UGT2B17: variants seen among roughly 807,000 people sequenced by gnomAD.
UGT2B17 encodes the protein UDP-glucuronosyltransferase 2B17.
In UGT2B17, 21 loss-of-function variants were observed where a neutral mutation model predicts 48.2. That is an observed-to-expected ratio of 0.44 (90% CI 0.31 to 0.63). The LOEUF is 0.63. Among genes scored for constraint, UGT2B17 ranks in the 20% least tolerant of loss-of-function variants. UGT2B17 has a pLI of 0.08. For synonymous variants in UGT2B17, 146 were observed against 238.4 expected (o/e 0.61, Z 3.57); for missense variants, 402 against 696.1 (o/e 0.58, Z 4.75).
chr4:68,550,712 C>A lies in UGT2B17; in HGVS notation c.1278G>T (p.Leu426Phe), dbSNP rs143750013. 5.1e-6 allele frequency: 7 copies of A among 1,378,734 alleles called. 1 individual carries two copies. The highest frequency in any genetic ancestry group is 3.3e-5 in the South Asian group (2 of 59,828). The allele number at this position is 1,378,734 out of a possible 1,614,324, so 85.4% of individuals were successfully genotyped here. Residue 426 changes from leucine (L) to phenylalanine (F), a missense_variant, in exon 6 of 7, where the codon TTG becomes TTT. Around this residue, in one of 5 missense-constraint regions of UGT2B17, gnomAD observed 156 missense variants for 258.6 expected, o/e 0.60. Transcript: ENST00000317746. ...TAATGACTGACTTCAATGCATTGAG[C>A]AAATCTCTACTTGACATGGTCCTGA... ...VDIRTMSSRD[L>F]LNALKSVIND...
rs111641076 is a variant in UGT2B17, at chr4:68,554,452, A to C, written c.1006-2541T>G. On this transcript the variant is annotated intron_variant, in intron 4 of 6. Transcript: ENST00000317746. ...CTCTCTTTTTTAAAAATTTTCTTTT[A>C]TTCTTGCTTTAAATTTGCTTTTATT... Among the ~76,000 whole-genome samples the C allele has an allele frequency of 1.6e-4, 20 of 125,378 alleles. 4 individuals are homozygous for C. Among genetic ancestry groups the C allele is most frequent in the African/African-American group, 4.4e-4 (16 of 36,738 alleles). 82.3% of individuals were successfully genotyped at this position (125,378 alleles called of 152,430 possible).
At position 68,567,932 on chromosome 4, in the gene UGT2B17, C is replaced by G. The variant is rs199630686; in HGVS notation, c.553G>C (p.Gly185Arg). 1.9e-5 allele frequency: 26 copies of G among 1,379,882 alleles called. 7 individuals carry two copies. The highest frequency in any genetic ancestry group is 2.3e-5 in the Non-Finnish European group (24 of 1,054,802). 85.5% of individuals were successfully genotyped at this position (1,379,882 alleles called of 1,614,324 possible). ...GAAGGAGGGAACAGAAATCCTCCAC[C>G]ATTCTTCTCAACTGTGTAGCCAACA... is the stretch of plus-strand genomic sequence containing the variant. ...FSVGYTVEKNGGGFLFPPSYV... is the reference protein window; with the variant it reads ...FSVGYTVEKNRGGFLFPPSYV... Residue 185 changes from glycine to arginine, a missense_variant, in exon 2 of 7, where the codon GGT becomes CGT. Gly to Arg is a moderately radical substitution (Grantham distance 125, BLOSUM62 -2). Coordinates refer to ENST00000317746, the MANE Select transcript of UGT2B17 (RefSeq NM_001077.4).
Position 68,543,589 on chromosome 4 carries a change from C to A in UGT2B17, c.1314-5685G>T, listed in dbSNP as rs1457323180. Among the ~76,000 whole-genome samples, 2 of 125,766 alleles carry A rather than the reference C, an allele frequency of 1.6e-5. 1 individual carries two copies. Among genetic ancestry groups the A allele is most frequent in the Non-Finnish European group, 3.4e-5 (2 of 59,474 alleles). The allele number at this position is 125,766 out of a possible 152,430, so 82.5% of individuals were successfully genotyped here. On this transcript the variant is annotated intron_variant, in intron 6 of 6. Transcript: ENST00000317746. The stretch of plus-strand genomic sequence containing the variant: ...TGGAACAAAGCTGGATGGAGAATGA[C>A]TTTGACGAGTTCAGAGAAGAAGGCT...
intron 2 of UGT2B17, among the ~76,000 whole-genome samples, chr4:68,566,454 G>T (rs1395143828): frequency 8.3e-6 from 1 of 121,152 alleles, no homozygotes; most frequent in African/African-American, 2.9e-5. Flanking sequence ...GGGACCCAGT[G>T]GCAGGTGATT....
intron 5 of UGT2B17, 111 bp downstream of exon 5, chr4:68,551,713 T>C: frequency 2.6e-6 from 2 of 779,602 alleles, no homozygotes; most frequent in Non-Finnish European, 3.5e-6. Flanking sequence ...AATTTGATTT[T>C]TTTTTAGTTT....
intron 6 of UGT2B17, among the ~76,000 whole-genome samples, chr4:68,545,786 C>T (rs1730790918): frequency 8.0e-6 from 1 of 125,770 alleles, no homozygotes; most frequent in African/African-American, 2.7e-5. Context: ...TCAGAGAATA[C>T]TATAAACACC....
At chr4:68,567,646 CA>C (rs1324978664) in intron 2 of UGT2B17, 114 bp downstream of exon 2, 1 of 802,708 alleles carries the variant, frequency 1.2e-6, no homozygotes, top group African/African-American at 1.8e-5. Flanking sequence ...CTTACATTTG[CA>C]ATTCATAATT....
Position 68,547,638 on chromosome 4 carries a change from A to G in UGT2B17, c.1313+3039T>C, listed in dbSNP as rs1217184685. On this transcript the variant is annotated intron_variant, in intron 6 of 6. Transcript: ENST00000317746. ...GAAACTACCATCAGATTGAACAGGC[A>G]ACCTACAGAATGGGAGAACATTTTT... 2.6e-4 allele frequency among the ~76,000 whole-genome samples: 33 copies of G among 126,390 alleles called. 7 individuals are homozygous for G. The highest frequency in any genetic ancestry group is 8.4e-4 in the African/African-American group (31 of 36,986). The allele number at this position is 126,390 out of a possible 152,430, so 82.9% of individuals were successfully genotyped here.
rs1340851935 is a variant in UGT2B17 at position 68,548,451 on chromosome 4, G to A, written c.1313+2226C>T. Among the ~76,000 whole-genome samples, 9 of 124,746 alleles carry A rather than the reference G, an allele frequency of 7.2e-5. 3 individuals are homozygous for A. The highest frequency in any genetic ancestry group is 2.5e-4 in the African/African-American group (9 of 36,534). The allele number at this position is 124,746 out of a possible 152,430, so 81.8% of individuals were successfully genotyped here. The stretch of plus-strand genomic sequence containing the variant: ...GGGGTAGCGGGAGTGGGGAGGGATA[G>A]CATTAGGAGATACACTTAATGTTAA... On this transcript the variant is annotated intron_variant, in intron 6 of 6. Coordinates refer to ENST00000317746, the MANE Select transcript of UGT2B17 (RefSeq NM_001077.4).
Position 68,543,147 on chromosome 4 carries a change from T to A in UGT2B17, c.1314-5243A>T, listed in dbSNP as rs1339328393. On this transcript the variant is annotated intron_variant, in intron 6 of 6. Transcript: ENST00000317746. ...GAGAATGGACAGACTGCTACTCAAGTGGGTCCTGATCCCCGAGTAGCCTGA... is the reference window on the plus strand; with the variant it reads ...GAGAATGGACAGACTGCTACTCAAGAGGGTCCTGATCCCCGAGTAGCCTGA... 7.1e-5 allele frequency among the ~76,000 whole-genome samples: 9 copies of A among 126,052 alleles called. 2 individuals carry two copies. Among genetic ancestry groups the A allele is most frequent in the African/African-American group, 2.2e-4 (8 of 36,866 alleles). The allele number at this position is 126,052 out of a possible 152,430, so 82.7% of individuals were successfully genotyped here.
At chr4:68,565,793 G>C in intron 2 of UGT2B17, 73 bp from the exon 3 acceptor site, 1 of 1,237,008 alleles carries the variant, frequency 8.1e-7, no homozygotes. Context: ...GAATATGCAG[G>C]TATTTTCCTG....
intron 6 of UGT2B17, among the ~76,000 whole-genome samples, chr4:68,542,798 C>A (rs535666461): frequency 7.9e-6 from 1 of 127,116 alleles, no homozygotes; most frequent in African/African-American, 2.7e-5. Context: ...GATTATATCG[C>A]GCACCTGGCT....
chr4:68,543,621 G>A (rs1383776733), intron 6 of UGT2B17, among the ~76,000 whole-genome samples: 2 of 124,906 alleles, frequency 1.6e-5, no homozygotes, highest in Non-Finnish European at 3.4e-5. Flanking sequence ...GGCTTCAGAC[G>A]ATCAAACTAC....
rs1302818194 is a variant in UGT2B17 at position 68,540,745 on chromosome 4, C to T, written c.1314-2841G>A. On this transcript the variant is annotated intron_variant, in intron 6 of 6. Coordinates refer to ENST00000317746, the MANE Select transcript of UGT2B17 (RefSeq NM_001077.4). Reference sequence around the variant, plus strand: ...TTTGCAGCACCTATCAATCTGTCATCTAGATTTTAAGTCCCTCATGTATTA... The same window carrying T: ...TTTGCAGCACCTATCAATCTGTCATTTAGATTTTAAGTCCCTCATGTATTA... 4.8e-5 allele frequency among the ~76,000 whole-genome samples: 6 copies of T among 125,778 alleles called. 1 individual carries two copies. The highest frequency in any genetic ancestry group is 1.6e-4 in the African/African-American group (6 of 36,798). The allele number at this position is 125,778 out of a possible 152,430, so 82.5% of individuals were successfully genotyped here. A position where few individuals can be genotyped will look rare whatever the true frequency, so the allele number is the denominator to read the frequency against.
intron 6 of UGT2B17, among the ~76,000 whole-genome samples, chr4:68,545,899 T>C (rs570395635): frequency 1.6e-5 from 2 of 125,554 alleles, no homozygotes; most frequent in Non-Finnish European, 3.4e-5. Flanking sequence ...CTGAATAGAC[T>C]AATAACAGGC....
At chr4:68,551,278 A>T (rs1222776912) in intron 5 of UGT2B17, among the ~76,000 whole-genome samples, 1 of 126,574 alleles carries the variant, frequency 7.9e-6, no homozygotes, top group Admixed American at 8.1e-5. Flanking sequence ...TTATATATTT[A>T]AAAAATATTT....
Position 68,552,312 on chromosome 4 carries a change from T to G in UGT2B17, c.1006-401A>C, listed in dbSNP as rs1415953687. ...ATCTAATTGCCTCATTTGGAGAGGC[T>G]AATCAGAAACTCAAAGGAATTCAGC... is the stretch of plus-strand genomic sequence containing the variant. On this transcript the variant is annotated intron_variant, in intron 4 of 6. Coordinates refer to ENST00000317746, the MANE Select transcript of UGT2B17 (RefSeq NM_001077.4). 1.6e-5 allele frequency among the ~76,000 whole-genome samples: 2 copies of G among 126,158 alleles called. 1 individual carries two copies. Among genetic ancestry groups the G allele is most frequent in the South Asian group, 7.4e-4 (2 of 2,698 alleles). The allele number at this position is 126,158 out of a possible 152,430, so 82.8% of individuals were successfully genotyped here.
rs1731025208 is a variant in UGT2B17, at chr4:68,557,555, T to C, written c.1005+2982A>G. ...TTTTTTTTTTAGAGTGAAGGAATCT[T>C]TCTTTTTTTGAGCTATTAACAGCTT... On this transcript the variant is annotated intron_variant, in intron 4 of 6. Transcript: ENST00000317746. Among the ~76,000 whole-genome samples the C allele has an allele frequency of 1.6e-5, 2 of 124,334 alleles. 1 individual carries two copies. Among genetic ancestry groups the C allele is most frequent in the African/African-American group, 5.4e-5 (2 of 36,730 alleles). 81.6% of individuals were successfully genotyped at this position (124,334 alleles called of 152,430 possible).
At position 68,537,771 on chromosome 4, in the gene UGT2B17, T is replaced by G. The variant is rs1730580871; in HGVS notation, c.1447A>C (p.Asn483His). The G allele has an allele frequency of 1.4e-6, 2 of 1,379,690 alleles. 1 individual carries two copies. Among genetic ancestry groups the G allele is most frequent in the African/African-American group, 2.9e-5 (2 of 68,004 alleles). 85.5% of individuals were successfully genotyped at this position (1,379,690 alleles called of 1,614,324 possible). The change falls in exon 7 of 7, where the codon AAC becomes CAC. Residue 483 changes from asparagine to histidine, a missense_variant. Coordinates refer to ENST00000317746, the MANE Select transcript of UGT2B17 (RefSeq NM_001077.4). ...GAGTGGTACTGGATCCAGGTGAGGT[T>G]GTGGGCTGCGACCCGAAGGTGCTTG... ...GAKHLRVAAH[N>H]LTWIQYHSLD...
Sources: gnomAD v4.1 joint callset for allele counts (sites outside exome capture counted in the v4.1 genomes callset) on GRCh38, gnomAD v4.1.1 for gene constraint, gnomAD v4.1.1 regional missense constraint, MANE v1.5 for transcripts, NCBI Gene and HGNC (gene_info 2026-07-23, HGNC 2026-07-21) for gene names.